Variants in RBFOX1 observed in about 807,000 individuals in gnomAD.
RBFOX1 encodes RNA binding protein fox-1 homolog 1.
In RBFOX1, 8 loss-of-function variants were observed where a neutral mutation model predicts 57.7. The observed-to-expected ratio is 0.14, with a 90% CI of 0.08 to 0.25. The LOEUF (loss-of-function observed/expected upper bound fraction) is 0.25. Among genes scored for constraint, RBFOX1 ranks in the 10% least tolerant of loss-of-function variants. The pLI is 1.00. For synonymous variants in RBFOX1, 326 were observed against 222.4 expected (o/e 1.47, Z -4.15); for missense variants, 611 against 548.5 (o/e 1.11, Z -1.14).
At chr16:6,941,733 C>G (rs761487097) in intron 3 of RBFOX1, among the ~76,000 whole-genome samples, 84 of 152,158 alleles carry the variant, frequency 5.5e-4, no homozygotes, top group Non-Finnish European at 9.6e-4. Flanking sequence ...GATTTGGCTT[C>G]TGAGAATGTG....
chr16:5,575,849 T>TC (rs2046433569), intron 2 of RBFOX1, among the ~76,000 whole-genome samples: 1 of 36,846 alleles, frequency 2.7e-5, no homozygotes, highest in Admixed American at 3.0e-4. Flanking sequence ...TTTCTCTCAT[T>TC]CAAAAAAAAA....
intron 14 of RBFOX1, among the ~76,000 whole-genome samples, chr16:7,707,794 G>A (rs2082967129): frequency 1.3e-5 from 2 of 152,170 alleles, no homozygotes; most frequent in Non-Finnish European, 2.9e-5. Flanking sequence ...TCAGGTCGCA[G>A]ATATTCATCT....
In RBFOX1 at chr16:6,575,213, G is replaced by C. The variant is rs539022409; in HGVS notation, c.-63-79390G>C. On this transcript the variant is annotated intron_variant, in intron 2 of 15. Coordinates refer to ENST00000550418, the MANE Select transcript of RBFOX1 (RefSeq NM_018723.4). ...TATGCCTGTGAGTGATTTTTCTTCT[G>C]TGTCATATCATAACTCTGATAAAGA... Among the ~76,000 whole-genome samples the C allele has an allele frequency of 3.9e-5, 6 of 152,196 alleles. No individual in the cohort carries two copies. In the South Asian group the frequency reaches 1.2e-3, roughly 32 times the overall value.
intron 3 of RBFOX1, among the ~76,000 whole-genome samples, chr16:5,644,792 G>A (rs1348113296): frequency 6.6e-6 from 1 of 152,236 alleles, no homozygotes; most frequent in Non-Finnish European, 1.5e-5. Flanking sequence ...TTTATCAGCT[G>A]ATGGACATTT....
chr16:6,962,984 A>G (rs937309894), intron 3 of RBFOX1, among the ~76,000 whole-genome samples: 9 of 152,138 alleles, frequency 5.9e-5, no homozygotes, highest in African/African-American at 1.7e-4. Context: ...CAAAGGAGAA[A>G]AAGAATGCTG....
At chr16:6,904,614 A>C (rs1280955280) in intron 3 of RBFOX1, among the ~76,000 whole-genome samples, 2 of 150,100 alleles carry the variant, frequency 1.3e-5, no homozygotes, top group African/African-American at 2.4e-5. Context: ...AAAAAAAAAA[A>C]AAAAAAAAAA....
At chr16:5,915,591 G>A (rs1432916021) in intron 4 of RBFOX1, among the ~76,000 whole-genome samples, 19 of 152,126 alleles carry the variant, frequency 1.2e-4, no homozygotes, top group Admixed American at 9.8e-4. Context: ...CAGCACTTTG[G>A]GAGGTCAAGG....
intron 3 of RBFOX1, among the ~76,000 whole-genome samples, chr16:6,885,085 C>A (rs1420672621): frequency 6.6e-6 from 1 of 152,182 alleles, no homozygotes; most frequent in African/African-American, 2.4e-5. Context: ...GATACAGAGA[C>A]AGATCAAACC....
At chr16:7,149,483 CTTTTT>C (rs60001454) in intron 4 of RBFOX1, among the ~76,000 whole-genome samples, 2 of 122,272 alleles carry the variant, frequency 1.6e-5, no homozygotes, top group Admixed American at 8.6e-5. Flanking sequence ...TCTTTCTTTC[CTTTTT>C]TTTTTTTTTT....
chr16:7,543,309 C>A (rs2083461075), intron 5 of RBFOX1, among the ~76,000 whole-genome samples: 1 of 152,062 alleles, frequency 6.6e-6, no homozygotes, highest in Non-Finnish European at 1.5e-5. Context: ...TCTCACCACT[C>A]ACATAGAATG....
At position 5,743,296 on chromosome 16, in the gene RBFOX1, T is replaced by C. The variant is rs1189960620; in HGVS notation, c.319-124007T>C. The stretch of plus-strand genomic sequence containing the variant: ...TGGGCACCTTCTGTTTTCTGAGTTA[T>C]ACTGGCTGATGCTGCTAATTGTGGG... On this transcript the variant is annotated intron_variant, in intron 3 of 19. Transcript: ENST00000641259. Among the ~76,000 whole-genome samples, 6 of 152,226 alleles carry C rather than the reference T, an allele frequency of 3.9e-5. No homozygotes were observed. The South Asian group carries it at 8.3e-4, about 21-fold the overall frequency.
intron 2 of RBFOX1, among the ~76,000 whole-genome samples, chr16:5,523,397 T>C (rs2044103839): frequency 6.6e-6 from 1 of 152,142 alleles, no homozygotes; most frequent in African/African-American, 2.4e-5. Flanking sequence ...GTTGGATCAC[T>C]TGAGCCTTGG....
chr16:6,276,618 C>T (rs923730799), intron 1 of RBFOX1, among the ~76,000 whole-genome samples: 12 of 152,176 alleles, frequency 7.9e-5, no homozygotes, highest in Non-Finnish European at 2.9e-5. Flanking sequence ...GCTGGGATTA[C>T]AGGCATGAGC....
intron 3 of RBFOX1, among the ~76,000 whole-genome samples, chr16:6,997,238 CTA>C (rs2092337554): frequency 6.6e-6 from 1 of 152,030 alleles, no homozygotes; most frequent in African/African-American, 2.4e-5. Flanking sequence ...CCTTTGAAGA[CTA>C]GAGTGATTTG....
intron 8 of RBFOX1, 105 bp downstream of exon 8, chr16:7,595,746 C>T (rs1043070756): frequency 1.5e-6 from 1 of 646,640 alleles, no homozygotes; most frequent in Non-Finnish European, 2.3e-6. Context: ...TGACCCTATT[C>T]CCCCTCATTG....
chr16:6,275,455 C>T (rs759562265), intron 1 of RBFOX1, among the ~76,000 whole-genome samples: 1 of 152,164 alleles, frequency 6.6e-6, no homozygotes, highest in African/African-American at 2.4e-5. Flanking sequence ...TGATCTCATT[C>T]GCATCTCATA....
intron 4 of RBFOX1, among the ~76,000 whole-genome samples, chr16:7,413,457 A>G (rs1362111211): frequency 6.6e-6 from 1 of 152,000 alleles, no homozygotes. Context: ...GAAACTTTGC[A>G]TTTCTCACAA....
chr16:7,614,502 T>A (rs1207914968), intron 10 of RBFOX1: 1 of 152,198 alleles, frequency 6.6e-6, no homozygotes, highest in East Asian at 1.9e-4. Context: ...GATCAGTACT[T>A]GCTTATGTGC....
At chr16:5,319,323 A>C (rs2064334449) in intron 1 of RBFOX1, among the ~76,000 whole-genome samples, 2 of 151,928 alleles carry the variant, frequency 1.3e-5, no homozygotes, top group South Asian at 2.1e-4. Context: ...CCAAGCATTC[A>C]CTCCTAAGCT....
Sources: allele counts gnomAD v4.1 joint callset (sites outside exome capture counted in the v4.1 genomes callset), GRCh38; gene constraint gnomAD v4.1.1; transcripts MANE v1.5; gene names NCBI Gene and HGNC (gene_info 2026-07-23, HGNC 2026-07-21).